The following NUP107 variants were observed in gnomAD, a reference collection of about 807,000 sequenced individuals.
The protein encoded by NUP107 is nucleoporin 107.
A neutral mutation model predicts 141.0 loss-of-function variants in NUP107; 101 were observed. The observed-to-expected ratio is 0.72, with a 90% CI of 0.61 to 0.84. The LOEUF is 0.84. NUP107 is among the 40% of genes least tolerant of loss of function. NUP107 has a pLI of 0.00. For synonymous variants in NUP107, 319 were observed against 363.9 expected, an observed-to-expected ratio of 0.88 and a Z score of 1.41; for missense variants, 941 against 1,102.7, an observed-to-expected ratio of 0.85 and a Z score of 2.08.
intron 18 of NUP107, 141 bp from the exon 19 acceptor site, chr12:68,726,358 G>T (rs1592515972): frequency 1.6e-6 from 1 of 607,732 alleles, no homozygotes; most frequent in East Asian, 2.8e-5. Context: ...TTCAAAGAGG[G>T]TGTAGAGTTA....
intron 26 of NUP107, among the ~76,000 whole-genome samples, chr12:68,739,516 T>C (rs1320962459): frequency 6.6e-6 from 1 of 152,206 alleles, no homozygotes; most frequent in Non-Finnish European, 1.5e-5. Context: ...TATCAACACA[T>C]ATTAGGTAAT....
chr12:68,700,773 A>G lies in NUP107; in HGVS notation c.600A>G (p.Gln200=). ...KIVSRATPGL[Q]KFSKTASMLW... ...TGAGTCGAGCAACACCTGGACTTCA[A>G]AAATTTTCAAAAACAGCCAGTATGC... The change falls in exon 7 of 28, where the codon CAA becomes CAG. Residue 200 remains glutamine (Q), a synonymous_variant. Transcript: ENST00000229179. 4 of 1,612,172 alleles carry G rather than the reference A, an allele frequency of 2.5e-6. No homozygotes were observed. Among genetic ancestry groups the G allele is most frequent in the Non-Finnish European group, 3.4e-6 (4 of 1,179,564 alleles).
Position 68,687,063 on chromosome 12 carries a change from G to C in NUP107, c.-3G>C. The C allele has an allele frequency of 6.2e-7, 1 of 1,614,218 alleles. No individual in the cohort carries two copies. The highest frequency in any genetic ancestry group is 8.5e-7 in the Non-Finnish European group (1 of 1,180,022). On this transcript the variant is annotated 5_prime_UTR_variant, in exon 1 of 28. Coordinates refer to ENST00000229179, the MANE Select transcript of NUP107 (RefSeq NM_020401.4). ...TTGGTTGTGTGTGGAAAAGGCTTTA[G>C]CCATGGACAGGTCAGTACTGATGGT...
At chr12:68,735,854 C>G (rs962663751) in intron 26 of NUP107, among the ~76,000 whole-genome samples, 3 of 152,008 alleles carry the variant, frequency 2.0e-5, no homozygotes, top group African/African-American at 4.8e-5. Flanking sequence ...GTGTTGAGAA[C>G]CAGCTACAGA....
rs1592522806 is a variant in NUP107, at chr12:68,734,689, T to G, written c.2263-19T>G. ...ACTTTTGTTATTTTATATTTTGGTT[T>G]TTTTATTTCACATTTTAGGAAGCCC... On this transcript the variant is annotated intron_variant, in intron 24 of 27. Coordinates refer to ENST00000229179, the MANE Select transcript of NUP107 (RefSeq NM_020401.4). 1.3e-6 allele frequency: 2 copies of G among 1,500,012 alleles called. No individual in the cohort carries two copies. Among genetic ancestry groups the G allele is most frequent in the Non-Finnish European group, 8.9e-7 (1 of 1,121,092 alleles). The allele number at this position is 1,500,012 out of a possible 1,614,324, so 92.9% of individuals were successfully genotyped here.
chr12:68,736,922 G>C (rs1878098595), intron 26 of NUP107, among the ~76,000 whole-genome samples: 1 of 151,744 alleles, frequency 6.6e-6, no homozygotes, highest in African/African-American at 2.4e-5. Context: ...GGCTGGTCTC[G>C]AACTCCTGAC....
chr12:68,740,684 GT>G (rs1024127923), intron 26 of NUP107, among the ~76,000 whole-genome samples: 36 of 147,366 alleles, frequency 2.4e-4, no homozygotes, highest in African/African-American at 7.2e-4. Flanking sequence ...AGCTTGTCCT[GT>G]TTTTTTTTTC....
At chr12:68,694,260 A>G (rs1265801947) in intron 5 of NUP107, among the ~76,000 whole-genome samples, 1 of 152,238 alleles carries the variant, frequency 6.6e-6, no homozygotes, top group Non-Finnish European at 1.5e-5. Context: ...TTTAGTATGT[A>G]TTATAACTTT....
intron 20 of NUP107, among the ~76,000 whole-genome samples, chr12:68,727,729 G>A (rs1877625423): frequency 6.6e-6 from 1 of 152,080 alleles, no homozygotes; most frequent in Non-Finnish European, 1.5e-5. Context: ...ATACTTGGGG[G>A]ATTGGCTCCA....
chr12:68,698,769 G>A (rs1361090505), intron 6 of NUP107, among the ~76,000 whole-genome samples: 1 of 152,180 alleles, frequency 6.6e-6, no homozygotes, highest in Admixed American at 6.5e-5. Context: ...ATCATCAGTT[G>A]CCAGGAGTTA....
In NUP107 at chr12:68,721,841, C is replaced by T. The variant is rs1877363205; in HGVS notation, c.1312C>T (p.Leu438=). 6.2e-7 allele frequency: 1 copy of T among 1,610,956 alleles called. No individual in the cohort carries two copies. The highest frequency in any genetic ancestry group is 1.7e-5 in the Admixed American group (1 of 58,954). Residue 438 remains leucine, a splice_region_variant and synonymous_variant, in exon 16 of 28, where the codon CTG becomes TTG. Transcript: ENST00000229179. ...YAALSGNLKQ[L]LPVCDTWEDT... is the part of the protein sequence containing the mutation. ...TTTCTGTTTTGTAATGGGGAAAAAG[C>T]TGCTTCCTGTCTGTGACACCTGGGA...
chr12:68,719,742 G>A, intron 14 of NUP107, 88 bp downstream of exon 14: 3 of 931,002 alleles, frequency 3.2e-6, no homozygotes, highest in East Asian at 2.4e-5. Flanking sequence ...TGAAAGTAGT[G>A]TAAAACTGGT....
At chr12:68,713,560 C>A (rs1184945212) in intron 10 of NUP107, among the ~76,000 whole-genome samples, 170 bp from the exon 11 acceptor site, 1 of 151,994 alleles carries the variant, frequency 6.6e-6, no homozygotes, top group African/African-American at 2.4e-5. Context: ...ATGAAAAAGC[C>A]CTCAACACCA....
intron 17 of NUP107, among the ~76,000 whole-genome samples, chr12:68,724,977 G>A (rs1877500174): frequency 6.6e-6 from 1 of 152,138 alleles, no homozygotes; most frequent in African/African-American, 2.4e-5. Flanking sequence ...AGATGTCAGA[G>A]GTGACATTTC....
chr12:68,742,141 T>C (rs935830184), intron 27 of NUP107, among the ~76,000 whole-genome samples, 161 bp downstream of exon 27: 2 of 152,216 alleles, frequency 1.3e-5, no homozygotes, highest in East Asian at 3.8e-4. Flanking sequence ...TTTCCCAAAA[T>C]GTGTGTATAT....
Position 68,733,578 on chromosome 12 carries a change from C to A in NUP107, c.2228C>A (p.Ala743Asp). 6.2e-7 allele frequency: 1 copy of A among 1,612,002 alleles called. No individual in the cohort carries two copies. The highest frequency in any genetic ancestry group is 8.5e-7 in the Non-Finnish European group (1 of 1,178,738). The change falls in exon 24 of 28, where the codon GCT becomes GAT. Residue 743 changes from alanine (A) to aspartate (D), a missense_variant. Transcript: ENST00000229179. ...CCACTTCCTGCTGAAGATGATAATG[C>A]TATCCGAGAACATTTGTGCATCAGA... ...ESPLPAEDDN[A>D]IREHLCIRAY...
intron 22 of NUP107, among the ~76,000 whole-genome samples, chr12:68,731,932 T>A (rs1450882177): frequency 1.3e-5 from 2 of 152,202 alleles, no homozygotes; most frequent in African/African-American, 2.4e-5. Context: ...GAAAAAAATC[T>A]CAGCTTTGGC....
chr12:68,737,051 G>A (rs867388177), intron 26 of NUP107, among the ~76,000 whole-genome samples: 5 of 152,034 alleles, frequency 3.3e-5, no homozygotes, highest in African/African-American at 7.3e-5. Flanking sequence ...CCTTTGACTC[G>A]TTTTAAACCT....
rs774656579 is a variant in NUP107 at position 68,719,611 on chromosome 12, A to C, written c.1208A>C (p.Tyr403Ser). 20 of 1,613,308 alleles carry C rather than the reference A, an allele frequency of 1.2e-5. No homozygotes were observed. The highest frequency in any genetic ancestry group is 1.4e-5 in the Non-Finnish European group (17 of 1,179,260). The change falls in exon 14 of 28, where the codon TAT (tyrosine) becomes TCT (serine). Residue 403 changes from tyrosine (Y) to serine (S), a missense_variant. Physicochemically the swap from Tyr to Ser is moderately radical, Grantham distance 144 (BLOSUM62 -2). Transcript: ENST00000229179. Reference sequence around the variant, plus strand: ...TTAGAACCTGTTGAAGGGAATCCATATAGACGCATTTGGAAAATAAGTTGC... The same window carrying C: ...TTAGAACCTGTTGAAGGGAATCCATCTAGACGCATTTGGAAAATAAGTTGC... ...TELEPVEGNP[Y>S]RRIWKISCWR...
Sources: allele counts gnomAD v4.1 joint callset (sites outside exome capture counted in the v4.1 genomes callset), GRCh38; gene constraint gnomAD v4.1.1; transcripts MANE v1.5; gene names NCBI Gene and HGNC (gene_info 2026-07-23, HGNC 2026-07-21).